PNPT1: variants seen among roughly 807,000 people sequenced by gnomAD.
PNPT1 encodes polyribonucleotide nucleotidyltransferase 1, also known as polyribonucleotide nucleotidyltransferase 1, mitochondrial.
Under a neutral mutation model 119.5 loss-of-function variants are expected in PNPT1, and 53 were observed. That is an observed-to-expected ratio of 0.44 (90% confidence interval 0.36 to 0.56). The LOEUF is 0.56. Among genes scored for constraint, PNPT1 ranks in the 20% least tolerant of loss-of-function variants. The pLI is 0.00. For synonymous variants in PNPT1, 357 were observed against 322.1 expected, an observed-to-expected ratio of 1.11 and a Z score of -1.16; for missense variants, 948 against 938.5, an observed-to-expected ratio of 1.01 and a Z score of -0.13.
At chr2:55,650,292 G>A (rs1450243900) in intron 18 of PNPT1, among the ~76,000 whole-genome samples, 3 of 152,162 alleles carry the variant, frequency 2.0e-5, no homozygotes, top group African/African-American at 7.2e-5. Context: ...GCAGGCGCGC[G>A]CCGCCACGCC....
chr2:55,687,596 G>A (rs763446432), intron 2 of PNPT1, 49 bp downstream of exon 2: 1 of 1,381,160 alleles, frequency 7.2e-7, no homozygotes, highest in African/African-American at 1.5e-5. Flanking sequence ...TTTAGTATGA[G>A]TCTCCGTAAC....
At chr2:55,663,497 A>T (rs1297928647) in intron 13 of PNPT1, among the ~76,000 whole-genome samples, 1 of 152,238 alleles carries the variant, frequency 6.6e-6, no homozygotes, top group Non-Finnish European at 1.5e-5. Flanking sequence ...GGTGAAAGAC[A>T]TCAATGTACA....
At chr2:55,688,215 G>A (rs1697477016) in intron 1 of PNPT1, among the ~76,000 whole-genome samples, 1 of 151,836 alleles carries the variant, frequency 6.6e-6, no homozygotes, top group South Asian at 2.1e-4. Flanking sequence ...GCTAATTTTA[G>A]TTTTTGTATG....
At chr2:55,678,663 A>C (rs1271615222) in intron 8 of PNPT1, among the ~76,000 whole-genome samples, 1 of 152,214 alleles carries the variant, frequency 6.6e-6, no homozygotes, top group Non-Finnish European at 1.5e-5. Context: ...TAGATTTCTT[A>C]AGATGTCATG....
Position 55,661,979 on chromosome 2 carries a change from T to A in PNPT1, c.1224A>T (p.Ser408=). 1 of 1,573,434 alleles carries A rather than the reference T, an allele frequency of 6.4e-7. No homozygotes were observed. The highest frequency in any genetic ancestry group is 1.4e-5 in the African/African-American group (1 of 72,506). The change falls in exon 14 of 28, where the codon TCA becomes TCT. Residue 408 remains serine (S), a synonymous_variant. Coordinates refer to ENST00000447944, the MANE Select transcript of PNPT1 (RefSeq NM_033109.5). ...TFDSLESGIK[S]DQVITAINGI... is the part of the protein sequence containing the mutation. ...ACTTTATAGCTGTTATAACTTGATCTGACTTAATACCAGATTCTAATGAAT... is the reference window on the plus strand; with the variant it reads ...ACTTTATAGCTGTTATAACTTGATCAGACTTAATACCAGATTCTAATGAAT...
intron 18 of PNPT1, among the ~76,000 whole-genome samples, chr2:55,654,369 G>A (rs768598879): frequency 2.0e-5 from 3 of 152,084 alleles, no homozygotes; most frequent in Admixed American, 1.3e-4. Flanking sequence ...GTGTGTACAC[G>A]CCTGAGTGGC....
At chr2:55,651,775 AAAAAAAAAAAAAAATT>A (rs1312264406) in intron 18 of PNPT1, among the ~76,000 whole-genome samples, 3 of 31,406 alleles carry the variant, frequency 9.6e-5, no homozygotes, top group African/African-American at 1.9e-4. Flanking sequence ...GATCAATTTA[AAAAAAAAAAAAAAATT>A]AAAAAAAAAA....
At chr2:55,693,573 T>C (rs1411042672) in intron 1 of PNPT1, 90 bp downstream of exon 1, 5 of 1,536,594 alleles carry the variant, frequency 3.3e-6, no homozygotes, top group African/African-American at 1.4e-5. Flanking sequence ...AGAGCTGGGA[T>C]ACCGGGTTTC....
chr2:55,639,550 A>C (rs1013370482), intron 26 of PNPT1, among the ~76,000 whole-genome samples: 2 of 152,282 alleles, frequency 1.3e-5, no homozygotes, highest in African/African-American at 4.8e-5. Flanking sequence ...GTTGATATTA[A>C]ATATCTTGGT....
At chr2:55,685,278 C>A (rs1316781171) in intron 3 of PNPT1, among the ~76,000 whole-genome samples, 3 of 152,196 alleles carry the variant, frequency 2.0e-5, no homozygotes, top group African/African-American at 7.2e-5. Context: ...GTAATCCCAG[C>A]ACTTTGGGAG....
rs1696450316 is a variant in PNPT1, at chr2:55,658,144, G to A, written c.1285-1773C>T. Among the ~76,000 whole-genome samples, 3 of 151,926 alleles carry A rather than the reference G, an allele frequency of 2.0e-5. No individual in the cohort carries two copies. The South Asian group carries it at 6.2e-4, about 31-fold the overall frequency. ...GCTACTTGGGGGACTGAGGCAGGAG[G>A]ATCACTTAAGCCTGGGAGATGGAGG... On this transcript the variant is annotated intron_variant, in intron 15 of 27. Coordinates refer to ENST00000447944, the MANE Select transcript of PNPT1 (RefSeq NM_033109.5).
rs745836305 is a variant in PNPT1, at chr2:55,671,289, A to AAAAAT, written c.976+25_976+29dup. On this transcript the variant is annotated intron_variant, in intron 11 of 27. Coordinates refer to ENST00000447944, the MANE Select transcript of PNPT1 (RefSeq NM_033109.5). ...GCCTTATTAAAGCTGCCCTCAGCAA[A>AAAAAT]AAAATAAAATAAAATAAAATAAAAT... 61 of 1,350,002 alleles carry AAAAAT rather than the reference A, an allele frequency of 4.5e-5. No individual in the cohort carries two copies. The East Asian group carries it at 9.3e-4, about 21-fold the overall frequency. The allele number at this position is 1,350,002 out of a possible 1,614,324, so 83.6% of individuals were successfully genotyped here.
chr2:55,642,605 CAAAAAAAAAAA>C (rs559417017), intron 25 of PNPT1, among the ~76,000 whole-genome samples: 11 of 44,228 alleles, frequency 2.5e-4, no homozygotes, highest in Non-Finnish European at 3.9e-4. Flanking sequence ...GACTCTGTCC[CAAAAAAAAAAA>C]AAAAAAAAAA....
At position 55,642,066 on chromosome 2, in the gene PNPT1, C is replaced by G. The variant is rs145149461; in HGVS notation, c.2069+1092G>C. Reference sequence around the variant, plus strand: ...CATGTTGGTCAGGCTGCTCTCGAACCCCCCACTTCCTGATCCACCTGCCTT... The same window carrying G: ...CATGTTGGTCAGGCTGCTCTCGAACGCCCCACTTCCTGATCCACCTGCCTT... On this transcript the variant is annotated intron_variant, in intron 25 of 27. Transcript: ENST00000447944. Among the ~76,000 whole-genome samples, 545 of 152,022 alleles carry G rather than the reference C, an allele frequency of 3.6e-3. 2 individuals are homozygous for G. The highest frequency in any genetic ancestry group is 0.011 in the African/African-American group (455 of 41,480).
chr2:55,643,074 A>G (rs1053139987), intron 25 of PNPT1, 84 bp downstream of exon 25: 3 of 1,418,860 alleles, frequency 2.1e-6, no homozygotes, highest in Non-Finnish European at 9.9e-7. Context: ...CAATGGCACC[A>G]CTGTATCCCA....
rs1233627730 is a variant in PNPT1 at position 55,634,887 on chromosome 2, T to A, written c.*1350A>T. The A allele has an allele frequency of 1.3e-5, 2 of 151,798 alleles. No individual in the cohort carries two copies. Among genetic ancestry groups the A allele is most frequent in the African/African-American group, 2.4e-5 (1 of 41,304 alleles). 9.4% of individuals were successfully genotyped at this position (151,798 alleles called of 1,614,324 possible). Reference sequence around the variant, plus strand: ...ACCTACATTTTTATAAGATTTAAAATTTTTTTTAGAGATAAGAGTCCTGCT... The same window carrying A: ...ACCTACATTTTTATAAGATTTAAAAATTTTTTTAGAGATAAGAGTCCTGCT... On this transcript the variant is annotated 3_prime_UTR_variant, in exon 28 of 28. Coordinates refer to ENST00000447944, the MANE Select transcript of PNPT1 (RefSeq NM_033109.5).
At position 55,684,926 on chromosome 2, in the gene PNPT1, CTA is replaced by C; in HGVS notation, c.403+15_403+16del. On this transcript the variant is annotated intron_variant, in intron 4 of 27. Coordinates refer to ENST00000447944, the MANE Select transcript of PNPT1 (RefSeq NM_033109.5). ...GGCATACCAGAGAAGATGAACGCCT[CTA>C]TGTTAATATCTTACCTATTATTCGA... is the stretch of plus-strand genomic sequence containing the variant. The C allele has an allele frequency of 6.5e-7, 1 of 1,533,012 alleles. No individual in the cohort carries two copies. The highest frequency in any genetic ancestry group is 8.9e-7 in the Non-Finnish European group (1 of 1,129,200). The allele number at this position is 1,533,012 out of a possible 1,614,324, so 95.0% of individuals were successfully genotyped here.
intron 17 of PNPT1, 49 bp downstream of exon 17, chr2:55,656,082 T>C (rs1409018350): frequency 6.4e-7 from 1 of 1,569,142 alleles, no homozygotes; most frequent in African/African-American, 1.4e-5. Context: ...AATAATAGAA[T>C]AGGGAATATG....
At chr2:55,650,341 C>G (rs531150627) in intron 18 of PNPT1, among the ~76,000 whole-genome samples, 76 of 152,320 alleles carry the variant, frequency 5.0e-4, no homozygotes, top group African/African-American at 1.7e-3. Flanking sequence ...GACGGGGTTT[C>G]GCTGTGTTGG....
Sources: allele counts gnomAD v4.1 joint callset (sites outside exome capture counted in the v4.1 genomes callset), GRCh38; gene constraint gnomAD v4.1.1; transcripts MANE v1.5; gene names NCBI Gene and HGNC (gene_info 2026-07-23, HGNC 2026-07-21).